VPS52: variants seen among roughly 807,000 people sequenced by gnomAD.
VPS52 encodes VPS52 subunit of GARP complex.
VPS52 carries 56 observed loss-of-function variants against 98.7 expected under a neutral mutation model. The observed-to-expected ratio is 0.57, with a 90% CI of 0.46 to 0.71. The LOEUF is 0.71. Among genes scored for constraint, VPS52 ranks in the 30% least tolerant of loss-of-function variants. The pLI, the probability that VPS52 is intolerant of heterozygous loss-of-function variation, is 0.00. For synonymous variants in VPS52, 348 were observed against 346.4 expected (o/e 1.00, Z -0.05); for missense variants, 742 against 925.9 (o/e 0.80, Z 2.58).
In VPS52 at chr6:33,268,740, G is replaced by A. The variant is rs113989082; in HGVS notation, c.549-91C>T. On this transcript the variant is annotated intron_variant, in intron 6 of 19. Coordinates refer to ENST00000445902, the MANE Select transcript of VPS52 (RefSeq NM_022553.6). The surrounding 1 kb of genome is among the most constrained non-coding windows in gnomAD (Gnocchi z 4.0). Reference sequence around the variant, plus strand: ...ACCACACTCCTTACCTCCAGCCCCTGTCATCTCTACCACCTTGCATTGTAC... The same window carrying A: ...ACCACACTCCTTACCTCCAGCCCCTATCATCTCTACCACCTTGCATTGTAC... 8 of 1,415,580 alleles carry A rather than the reference G, an allele frequency of 5.7e-6. No individual in the cohort carries two copies. Among genetic ancestry groups the A allele is most frequent in the Non-Finnish European group, 7.5e-6 (8 of 1,067,608 alleles). The allele number at this position is 1,415,580 out of a possible 1,614,324, so 87.7% of individuals were successfully genotyped here.
rs1410228435 is a variant in VPS52, at chr6:33,269,837, T to A, written c.229-18A>T. 1 of 1,612,280 alleles carries A rather than the reference T, an allele frequency of 6.2e-7. No individual in the cohort carries two copies. The highest frequency in any genetic ancestry group is 1.3e-5 in the African/African-American group (1 of 74,872). ...TCTACACCCTGGGAGAACATAAAGATGACAGGTCAGAAGGAAGTCTCAGTA... is the reference window on the plus strand; with the variant it reads ...TCTACACCCTGGGAGAACATAAAGAAGACAGGTCAGAAGGAAGTCTCAGTA... On this transcript the variant is annotated intron_variant, in intron 3 of 19. Transcript: ENST00000445902.
chr6:33,264,277 C>T (rs959515227), intron 14 of VPS52, 97 bp downstream of exon 14: 11 of 1,575,022 alleles, frequency 7.0e-6, no homozygotes, highest in South Asian at 1.2e-5. Context: ...CTGCTCATAG[C>T]GTGGCCCATG....
Position 33,264,802 on chromosome 6 carries a change from C to T in VPS52, c.1380G>A (p.Arg460=). 1.2e-6 allele frequency: 2 copies of T among 1,613,022 alleles called. No individual in the cohort carries two copies. The highest frequency in any genetic ancestry group is 1.7e-6 in the Non-Finnish European group (2 of 1,179,986). Residue 460 remains arginine (R), a synonymous_variant, in exon 13 of 20, where the codon AGG becomes AGA. Transcript: ENST00000445902. ...GTGACCTGTCCAGGGCAGGAACATC[C>T]CTCTTTGCTGCAATGTTACGGAACC... ...VLRFRNIAAK[R]DVPALDRYWE...
chr6:33,267,789 T>A lies in VPS52; in HGVS notation c.934-50A>T. 1 of 1,612,810 alleles carries A rather than the reference T, an allele frequency of 6.2e-7. No homozygotes were observed. Among genetic ancestry groups the A allele is most frequent in the Non-Finnish European group, 8.5e-7 (1 of 1,179,944 alleles). Reference sequence around the variant, plus strand: ...ATAACCGTCTCTTCCCACAACACAATAAAATATTCCTTGCCCAGGGATGTC... The same window carrying A: ...ATAACCGTCTCTTCCCACAACACAAAAAAATATTCCTTGCCCAGGGATGTC... On this transcript the variant is annotated intron_variant, in intron 9 of 19. Transcript: ENST00000445902. The surrounding 1 kb of genome is among the most constrained non-coding windows in gnomAD (Gnocchi z 4.2).
rs1178921112 is a variant in VPS52 at position 33,269,833 on chromosome 6, A to G, written c.229-14T>C. On this transcript the variant is annotated splice_polypyrimidine_tract_variant and intron_variant, in intron 3 of 19. Coordinates refer to ENST00000445902, the MANE Select transcript of VPS52 (RefSeq NM_022553.6). Reference sequence around the variant, plus strand: ...GAGATCTACACCCTGGGAGAACATAAAGATGACAGGTCAGAAGGAAGTCTC... The same window carrying G: ...GAGATCTACACCCTGGGAGAACATAGAGATGACAGGTCAGAAGGAAGTCTC... 3 of 1,612,744 alleles carry G rather than the reference A, an allele frequency of 1.9e-6. No individual in the cohort carries two copies. The highest frequency in any genetic ancestry group is 1.3e-5 in the African/African-American group (1 of 74,908).
intron 13 of VPS52, 130 bp downstream of exon 13, chr6:33,264,652 C>A: frequency 7.1e-7 from 1 of 1,403,630 alleles, no homozygotes; most frequent in Non-Finnish European, 1.0e-6. Flanking sequence ...AGCACTACTG[C>A]CTCCGGAGCA....
intron 17 of VPS52, among the ~76,000 whole-genome samples, chr6:33,254,304 A>T (rs1431306600): frequency 6.6e-6 from 1 of 151,864 alleles, no homozygotes; most frequent in South Asian, 2.1e-4. Flanking sequence ...AATAAATAAA[A>T]ATTGTATCTT....
intron 12 of VPS52, among the ~76,000 whole-genome samples, chr6:33,266,287 C>T (rs1022432677): frequency 4.6e-5 from 7 of 151,466 alleles, no homozygotes; most frequent in African/African-American, 1.7e-4. Context: ...CACAGGCACA[C>T]ATCAACACAC....
Position 33,269,530 on chromosome 6 carries a change from G to A in VPS52, c.332C>T (p.Ser111Phe). The A allele has an allele frequency of 6.2e-7, 1 of 1,612,422 alleles. No homozygotes were observed. Among genetic ancestry groups the A allele is most frequent in the Non-Finnish European group, 8.5e-7 (1 of 1,179,546 alleles). The change falls in exon 5 of 20, where the codon TCT (serine) becomes TTT (phenylalanine). Residue 111 changes from serine (S) to phenylalanine (F), a missense_variant. Around this residue, in one of 2 missense-constraint regions of VPS52, gnomAD observed 590 missense variants for 793.3 expected, o/e 0.74. Coordinates refer to ENST00000445902, the MANE Select transcript of VPS52 (RefSeq NM_022553.6). ...ACAGGCTGTGATCTGGTTGTGTAGA[G>A]ATGCTATATTCTCACTCTCTTGAAT... ...DYIQESENIA[S>F]LHNQITACDA...
At chr6:33,255,830 T>A (rs1391175242) in intron 17 of VPS52, among the ~76,000 whole-genome samples, 3 of 148,954 alleles carry the variant, frequency 2.0e-5, no homozygotes, top group African/African-American at 7.4e-5. Context: ...GGAGTCTCAC[T>A]ATGTTGCCCA....
At position 33,267,321 on chromosome 6, in the gene VPS52, C is replaced by T; in HGVS notation, c.992G>A (p.Gly331Glu). The T allele has an allele frequency of 1.3e-6, 2 of 1,578,042 alleles. No individual in the cohort carries two copies. The highest frequency in any genetic ancestry group is 1.7e-6 in the Non-Finnish European group (2 of 1,162,776). Residue 331 changes from glycine to glutamate, a missense_variant and splice_region_variant, in exon 11 of 20, where the codon GGA becomes GAA. By Grantham distance (98) the Gly-to-Glu change is moderately conservative. Coordinates refer to ENST00000445902, the MANE Select transcript of VPS52 (RefSeq NM_022553.6). This position sits in a 1 kb window ranked among gnomAD's most constrained non-coding sequence, Gnocchi z 4.2. ...LMGVEDTAKKGFFSKPSLRSR... is the reference protein window; with the variant it reads ...LMGVEDTAKKEFFSKPSLRSR... ...GCGGAGCGATGGCTTTGAGAAGAAT[C>T]GTAAGATGGGTCAGAGTCAGGGAAA...
rs1157273529 is a variant in VPS52 at position 33,263,332 on chromosome 6, G to T, written c.1794+152C>A. On this transcript the variant is annotated intron_variant, in intron 17 of 19. Transcript: ENST00000445902. Reference sequence around the variant, plus strand: ...TAGACCAATAATGACAGTATGTTGTGAATCAAGAGTTACAGTAATTCCGCA... The same window carrying T: ...TAGACCAATAATGACAGTATGTTGTTAATCAAGAGTTACAGTAATTCCGCA... The T allele has an allele frequency of 6.5e-6, 4 of 613,376 alleles. No homozygotes were observed. The African/African-American group carries it at 7.8e-5, about 12-fold the overall frequency. The allele number at this position is 613,376 out of a possible 1,614,324, so 38.0% of individuals were successfully genotyped here.
At chr6:33,266,162 T>C (rs1358055551) in intron 12 of VPS52, among the ~76,000 whole-genome samples, 2 of 58,818 alleles carry the variant, frequency 3.4e-5, no homozygotes. Flanking sequence ...ACCTGGCTAT[T>C]TTTTTTTTTT....
intron 18 of VPS52, 47 bp downstream of exon 18, chr6:33,251,813 C>A: frequency 6.3e-7 from 1 of 1,591,586 alleles, no homozygotes; most frequent in Non-Finnish European, 8.6e-7. Context: ...TTTTTCTTTT[C>A]CACTTCCCTT....
rs755320816 is a variant in VPS52 at position 33,263,997 on chromosome 6, C to G, written c.1620+11G>C. 4 of 1,614,212 alleles carry G rather than the reference C, an allele frequency of 2.5e-6. No individual in the cohort carries two copies. Among genetic ancestry groups the G allele is most frequent in the Non-Finnish European group, 3.4e-6 (4 of 1,180,016 alleles). ...CCTGCTGCTGGGAAGTGTCTCCTGT[C>G]CGACCCTCACCTGCAGCTGTCCCAG... is the stretch of plus-strand genomic sequence containing the variant. On this transcript the variant is annotated intron_variant, in intron 15 of 19. Coordinates refer to ENST00000445902, the MANE Select transcript of VPS52 (RefSeq NM_022553.6).
chr6:33,266,480 A>T, intron 12 of VPS52, 77 bp downstream of exon 12: 1 of 1,458,560 alleles, frequency 6.9e-7, no homozygotes, highest in South Asian at 1.5e-5. Flanking sequence ...CAGTTCTACC[A>T]GAGTCATGAC....
chr6:33,270,014 C>A lies in VPS52; in HGVS notation c.213G>T (p.Lys71Asn), dbSNP rs777329626. The part of the protein sequence containing the change: ...IQANLEDELV[K>N]EALKTGVDLR... ...AAAGCCTCACCGTTTTAAGAGCTTCCTTTACTAACTCATCCTCCAGATTTG... is the reference window on the plus strand; with the variant it reads ...AAAGCCTCACCGTTTTAAGAGCTTCATTTACTAACTCATCCTCCAGATTTG... Residue 71 changes from lysine (K) to asparagine (N), a missense_variant, in exon 3 of 20, where the codon AAG becomes AAT. Transcript: ENST00000445902. 6.8e-6 allele frequency: 11 copies of A among 1,614,034 alleles called. No homozygotes were observed. The African/African-American group carries it at 1.5e-4, about 22-fold the overall frequency.
intron 1 of VPS52, among the ~76,000 whole-genome samples, chr6:33,270,796 A>G (rs932772658): frequency 1.6e-5 from 2 of 124,476 alleles, no homozygotes; most frequent in Admixed American, 8.0e-5. Flanking sequence ...TAAAAAATAC[A>G]AAAAATTAGC....
At position 33,264,769 on chromosome 6, in the gene VPS52, A is replaced by G. The variant is rs763131040; in HGVS notation, c.1400+13T>C. 1 of 1,611,474 alleles carries G rather than the reference A, an allele frequency of 6.2e-7. No individual in the cohort carries two copies. Among genetic ancestry groups the G allele is most frequent in the Non-Finnish European group, 8.5e-7 (1 of 1,178,378 alleles). Reference sequence around the variant, plus strand: ...CGTGGCCTGTTGGGCATCAAGGACCAGAATTCAGTGACCTGTCCAGGGCAG... The same window carrying G: ...CGTGGCCTGTTGGGCATCAAGGACCGGAATTCAGTGACCTGTCCAGGGCAG... On this transcript the variant is annotated intron_variant, in intron 13 of 19. Coordinates refer to ENST00000445902, the MANE Select transcript of VPS52 (RefSeq NM_022553.6).
Sources: gnomAD v4.1 joint callset for allele counts (sites outside exome capture counted in the v4.1 genomes callset) on GRCh38, gnomAD v4.1.1 for gene constraint, gnomAD v4.1.1 regional missense constraint, Gnocchi (gnomAD v3.1) non-coding constraint, MANE v1.5 for transcripts, NCBI Gene and HGNC (gene_info 2026-07-23, HGNC 2026-07-21) for gene names.